Variants in B3GALT1 observed in about 807,000 individuals in gnomAD.
The protein encoded by B3GALT1 is UDP-Gal:betaGlcNAc beta 1,3-galactosyltransferase, polypeptide 1.
B3GALT1 carries 10 observed loss-of-function variants against 23.2 expected under a neutral mutation model. The ratio of observed to expected loss-of-function variants is 0.43; its 90% CI spans 0.27 to 0.73. The LOEUF (loss-of-function observed/expected upper bound fraction) is 0.73. Ranked by LOEUF, B3GALT1 falls within the 30% of genes least tolerant of loss-of-function variation. B3GALT1 has a pLI of 0.21. For synonymous variants in B3GALT1, 156 were observed against 141.5 expected (o/e 1.10, Z -0.73); for missense variants, 299 against 405.4 (o/e 0.74, Z 2.25).
intron 3 of B3GALT1, among the ~76,000 whole-genome samples, chr2:167,662,408 C>T (rs183962034): frequency 2.0e-5 from 3 of 152,166 alleles, no homozygotes; most frequent in Admixed American, 2.0e-4. Flanking sequence ...CCTCTGTCCC[C>T]ACACTTGCAT....
chr2:167,530,285 T>C (rs1353556927), intron 2 of B3GALT1, among the ~76,000 whole-genome samples: 1 of 152,174 alleles, frequency 6.6e-6, no homozygotes, highest in Non-Finnish European at 1.5e-5. Context: ...AATCTATTTT[T>C]GTTATTACAC....
intron 3 of B3GALT1, among the ~76,000 whole-genome samples, chr2:167,739,873 T>G (rs1687550480): frequency 6.6e-6 from 1 of 150,542 alleles, no homozygotes; most frequent in African/African-American, 2.5e-5. Context: ...GAAGGATTGC[T>G]TGAGCCCAGG....
At chr2:167,340,900 T>C (rs1697137134) in intron 1 of B3GALT1, among the ~76,000 whole-genome samples, 1 of 152,168 alleles carries the variant, frequency 6.6e-6, no homozygotes, top group South Asian at 2.1e-4. Context: ...CAAGAATTCA[T>C]TTGAAAATAG....
intron 3 of B3GALT1, among the ~76,000 whole-genome samples, chr2:167,808,728 A>G (rs1455150140): frequency 6.6e-6 from 1 of 151,682 alleles, no homozygotes; most frequent in African/African-American, 2.4e-5. Context: ...TTTTTCCTTC[A>G]TTTCAACTTT....
At chr2:167,327,374 C>T (rs1389668467) in intron 1 of B3GALT1, among the ~76,000 whole-genome samples, 1 of 152,096 alleles carries the variant, frequency 6.6e-6, no homozygotes, top group Non-Finnish European at 1.5e-5. Flanking sequence ...GTGAATTCTT[C>T]TGATCCATGA....
intron 2 of B3GALT1, among the ~76,000 whole-genome samples, chr2:167,547,349 C>T (rs1339329907): frequency 2.0e-5 from 3 of 152,044 alleles, no homozygotes; most frequent in Non-Finnish European, 4.4e-5. Context: ...GGGATACCAA[C>T]AAAAAAATTA....
chr2:167,465,793 A>G (rs1699335059), intron 1 of B3GALT1, among the ~76,000 whole-genome samples: 1 of 151,896 alleles, frequency 6.6e-6, no homozygotes, highest in Admixed American at 6.6e-5. Context: ...ACTGTTAAAC[A>G]CAATAGCACC....
chr2:167,353,765 G>C (rs557268273), intron 1 of B3GALT1, among the ~76,000 whole-genome samples: 5 of 152,204 alleles, frequency 3.3e-5, no homozygotes, highest in African/African-American at 1.2e-4. Flanking sequence ...GTACCTGGCT[G>C]AGTCACTTGG....
intron 1 of B3GALT1, among the ~76,000 whole-genome samples, chr2:167,340,326 A>C (rs959462767): frequency 2.0e-5 from 3 of 151,570 alleles, no homozygotes; most frequent in East Asian, 3.9e-4. Context: ...AAAAAAAAAA[A>C]AAAAAAAAAC....
intron 2 of B3GALT1, among the ~76,000 whole-genome samples, chr2:167,495,176 G>A (rs1699764514): frequency 6.6e-6 from 1 of 152,050 alleles, no homozygotes; most frequent in Non-Finnish European, 1.5e-5. Flanking sequence ...AAGCATTGGT[G>A]GCAGACGTAG....
chr2:167,511,427 C>T (rs1700002275), intron 2 of B3GALT1, among the ~76,000 whole-genome samples: 1 of 152,122 alleles, frequency 6.6e-6, no homozygotes, highest in African/African-American at 2.4e-5. Context: ...CTCCTGTCAC[C>T]ACGTGAAGAA....
chr2:167,312,415 G>A (rs1469484891), intron 1 of B3GALT1, among the ~76,000 whole-genome samples: 3 of 151,992 alleles, frequency 2.0e-5, no homozygotes, highest in Non-Finnish European at 4.4e-5. Context: ...ATAAGTTAAG[G>A]ATGCATGCTG....
intron 1 of B3GALT1, among the ~76,000 whole-genome samples, chr2:167,338,297 A>G (rs150291560): frequency 6.6e-6 from 1 of 152,306 alleles, no homozygotes. Flanking sequence ...TATTAGATAC[A>G]TGATCAAAGT....
intron 1 of B3GALT1, among the ~76,000 whole-genome samples, chr2:167,395,804 A>T (rs1057280467): frequency 3.3e-5 from 5 of 152,160 alleles, no homozygotes; most frequent in African/African-American, 1.2e-4. Flanking sequence ...ATCAAATACA[A>T]AAATAAAACT....
chr2:167,713,766 C>T, intron 3 of B3GALT1: 1 of 1,589,154 alleles, frequency 6.3e-7, no homozygotes, highest in South Asian at 1.1e-5. Context: ...GGGTAAAATC[C>T]AGGTCTTGGA....
intron 1 of B3GALT1, among the ~76,000 whole-genome samples, chr2:167,477,147 T>C (rs1574095539): frequency 1.3e-5 from 2 of 152,208 alleles, no homozygotes; most frequent in South Asian, 4.1e-4. Context: ...GCATATGTGC[T>C]TTTGAATGTT....
intron 4 of B3GALT1, among the ~76,000 whole-genome samples, chr2:167,859,162 C>T (rs543839863): frequency 3.3e-5 from 5 of 152,176 alleles, no homozygotes; most frequent in African/African-American, 7.2e-5. Context: ...AAGCCCCACC[C>T]GAAGCCCAAT....
rs372641329 is a variant in B3GALT1, at chr2:167,846,255, G to A, written c.-229-22556G>A. Among the ~76,000 whole-genome samples, 5 of 152,050 alleles carry A rather than the reference G, an allele frequency of 3.3e-5. 1 individual carries two copies. Among genetic ancestry groups the A allele is most frequent in the Admixed American group, 6.5e-5 (1 of 15,268 alleles). On this transcript the variant is annotated intron_variant, in intron 4 of 4. Transcript: ENST00000392690. ...CAAATACAAGAAGCAAAGAACTCCT[G>A]GAAATTGATCGCAGAAAGATCGTCA...
At chr2:167,804,555 C>A (rs992274354) in intron 3 of B3GALT1, among the ~76,000 whole-genome samples, 1 of 152,044 alleles carries the variant, frequency 6.6e-6, no homozygotes. Flanking sequence ...TCAATTCCCA[C>A]CTATGAGTGA....
Sources: gnomAD v4.1 joint callset for allele counts (sites outside exome capture counted in the v4.1 genomes callset) on GRCh38, gnomAD v4.1.1 for gene constraint, MANE v1.5 for transcripts, NCBI Gene and HGNC (gene_info 2026-07-23, HGNC 2026-07-21) for gene names.